Variants in RAI14 observed in about 807,000 individuals in gnomAD.
RAI14 encodes retinoic acid induced 14.
RAI14 carries 45 observed loss-of-function variants against 115.4 expected under a neutral mutation model. The observed-to-expected ratio is 0.39, with a 90% CI of 0.31 to 0.50. The LOEUF is 0.50. Among genes scored for constraint, RAI14 ranks in the 20% least tolerant of loss-of-function variants. RAI14 has a pLI of 0.85. For missense variants in RAI14, 939 were observed against 1,131.2 expected, an observed-to-expected ratio of 0.83 and a Z score of 2.44; for synonymous variants, 371 against 415.4, an observed-to-expected ratio of 0.89 and a Z score of 1.30.
At position 34,688,286 on chromosome 5, in the gene RAI14, G is replaced by A. The variant is rs188934881; in HGVS notation, c.36+1331G>A. On this transcript the variant is annotated intron_variant, in intron 2 of 17. Coordinates refer to ENST00000265109, the MANE Select transcript of RAI14 (RefSeq NM_015577.3). The stretch of plus-strand genomic sequence containing the variant: ...AAAATGTTGCCCAATTCAGCAGATA[G>A]GGGTTTCTAAATTTTGTGACCAGGT... 4.0e-6 allele frequency: 6 copies of A among 1,507,042 alleles called. No homozygotes were observed. In the African/African-American group the frequency reaches 5.6e-5, roughly 14 times the overall value. 93.4% of individuals were successfully genotyped at this position (1,507,042 alleles called of 1,614,324 possible). A position where few individuals can be genotyped will look rare whatever the true frequency, so the allele number is the denominator to read the frequency against.
chr5:34,686,504 T>A (rs925290777), intron 1 of RAI14: 6 of 154,222 alleles, frequency 3.9e-5, no homozygotes, highest in African/African-American at 1.4e-4. Context: ...AGTGTTCTCA[T>A]CACAGTGAAA....
chr5:34,760,046 A>G (rs1455583385), intron 3 of RAI14, among the ~76,000 whole-genome samples: 1 of 152,110 alleles, frequency 6.6e-6, no homozygotes, highest in Non-Finnish European at 1.5e-5. Flanking sequence ...CTCTGTCACC[A>G]GGCCGGAGTG....
At position 34,703,817 on chromosome 5, in the gene RAI14, G is replaced by A. The variant is rs543083808; in HGVS notation, c.36+16862G>A. On this transcript the variant is annotated intron_variant, in intron 2 of 17. Coordinates refer to ENST00000265109, the MANE Select transcript of RAI14 (RefSeq NM_015577.3). ...CAGCACACTGCTTCAGATTCTAGCA[G>A]TTACCTTGTAGGCACTCAGCTGATA... is the stretch of plus-strand genomic sequence containing the variant. Among the ~76,000 whole-genome samples, 7 of 152,324 alleles carry A rather than the reference G, an allele frequency of 4.6e-5. No individual in the cohort carries two copies. The East Asian group carries it at 1.3e-3, about 29-fold the overall frequency.
At chr5:34,663,035 T>G (rs1292486717) in intron 1 of RAI14, among the ~76,000 whole-genome samples, 1 of 152,088 alleles carries the variant, frequency 6.6e-6, no homozygotes, top group Admixed American at 6.6e-5. Context: ...CATGCCCAGT[T>G]TAAAGATATT....
intron 3 of RAI14, among the ~76,000 whole-genome samples, chr5:34,780,139 A>G (rs1751424012): frequency 6.6e-6 from 1 of 152,242 alleles, no homozygotes; most frequent in Non-Finnish European, 1.5e-5. Flanking sequence ...TCCCTATTTA[A>G]TAAATGGTGC....
chr5:34,778,331 TC>T (rs1346919103), intron 3 of RAI14, among the ~76,000 whole-genome samples: 1 of 152,148 alleles, frequency 6.6e-6, no homozygotes, highest in Non-Finnish European at 1.5e-5. Flanking sequence ...ATGCTCCTGT[TC>T]CCCAGGCCAC....
At chr5:34,715,741 T>G (rs894354785) in intron 2 of RAI14, among the ~76,000 whole-genome samples, 1 of 152,230 alleles carries the variant, frequency 6.6e-6, no homozygotes, top group Non-Finnish European at 1.5e-5. Flanking sequence ...GTGAACTGTC[T>G]TCTCCCTAGA....
At chr5:34,748,376 G>C (rs536064211) in intron 2 of RAI14, among the ~76,000 whole-genome samples, 1 of 152,354 alleles carries the variant, frequency 6.6e-6, no homozygotes, top group South Asian at 2.1e-4. Flanking sequence ...TGCTTGCCGT[G>C]TTGTATTGGT....
chr5:34,689,373 C>T (rs1251104463), intron 2 of RAI14, among the ~76,000 whole-genome samples: 2 of 152,058 alleles, frequency 1.3e-5, no homozygotes, highest in African/African-American at 4.8e-5. Context: ...CCACTGCACT[C>T]CAGTCTGGGT....
chr5:34,828,495 A>G (rs1364270747), intron 16 of RAI14, among the ~76,000 whole-genome samples: 2 of 99,636 alleles, frequency 2.0e-5, no homozygotes, highest in Admixed American at 1.1e-4. Context: ...ACACAGAGAA[A>G]TGCCAAATGT....
At chr5:34,787,893 ATTTTTTTTTTTTTTTTTTTT>A (rs70973012) in intron 3 of RAI14, among the ~76,000 whole-genome samples, 28 of 25,116 alleles carry the variant, frequency 1.1e-3, no homozygotes, top group Admixed American at 2.0e-3. Flanking sequence ...GATACTACTG[ATTTTTTTTTTTTTTTTTTTT>A]TTTTTTTTTT....
intron 12 of RAI14, among the ~76,000 whole-genome samples, chr5:34,815,103 C>T (rs1756049530): frequency 6.6e-6 from 1 of 152,064 alleles, no homozygotes; most frequent in South Asian, 2.1e-4. Flanking sequence ...AAAAACTAGG[C>T]CGGGGTTGGT....
chr5:34,726,172 G>A (rs1427878822), intron 2 of RAI14, among the ~76,000 whole-genome samples: 1 of 152,092 alleles, frequency 6.6e-6, no homozygotes, highest in Non-Finnish European at 1.5e-5. Flanking sequence ...GGCCAGCCAG[G>A]AGTTTGAGAC....
intron 1 of RAI14, among the ~76,000 whole-genome samples, chr5:34,665,031 A>ATGTATATATATGTGTATATATATG (rs869073370): frequency 3.2e-5 from 1 of 31,428 alleles, no homozygotes; most frequent in African/African-American, 7.9e-5. Context: ...GTATATATAT[A>ATGTATATATATGTGTATATATATG]TGTATATATA....
chr5:34,814,012 A>G (rs991889615), intron 11 of RAI14, among the ~76,000 whole-genome samples: 1 of 152,256 alleles, frequency 6.6e-6, no homozygotes, highest in African/African-American at 2.4e-5. Context: ...GAGAATGAGT[A>G]GCCATTGAGG....
At chr5:34,698,861 G>A (rs974758881) in intron 2 of RAI14, among the ~76,000 whole-genome samples, 1 of 152,180 alleles carries the variant, frequency 6.6e-6, no homozygotes, top group Admixed American at 6.5e-5. Context: ...ACTAGGGCCA[G>A]GGCTAGGCTG....
chr5:34,792,285 G>C (rs569985193), intron 3 of RAI14, among the ~76,000 whole-genome samples: 1 of 144,706 alleles, frequency 6.9e-6, no homozygotes, highest in African/African-American at 2.6e-5. Context: ...CCAGGCTGGA[G>C]TGCAGTGGTG....
In RAI14 at chr5:34,753,517, C is replaced by T. The variant is rs1195370490; in HGVS notation, c.37-3951C>T. Among the ~76,000 whole-genome samples the T allele has an allele frequency of 3.9e-5, 6 of 152,050 alleles. No individual in the cohort carries two copies. In the East Asian group the frequency reaches 7.7e-4, roughly 20 times the overall value. ...CTGGAGCCAGGCACGGTGGCTCACA[C>T]GCCTGTAATCCCAGCACTTTGGGAG... On this transcript the variant is annotated intron_variant, in intron 2 of 17. Coordinates refer to ENST00000265109, the MANE Select transcript of RAI14 (RefSeq NM_015577.3).
At chr5:34,733,999 G>C (rs1399711009) in intron 2 of RAI14, among the ~76,000 whole-genome samples, 1 of 152,188 alleles carries the variant, frequency 6.6e-6, no homozygotes, top group Non-Finnish European at 1.5e-5. Flanking sequence ...ACTCATCCCT[G>C]CCGCTCCCAG....
Sources: allele counts gnomAD v4.1 joint callset (sites outside exome capture counted in the v4.1 genomes callset), GRCh38; gene constraint gnomAD v4.1.1; transcripts MANE v1.5; gene names NCBI Gene and HGNC (gene_info 2026-07-23, HGNC 2026-07-21).